The following BCL7C variants were observed in gnomAD, a reference collection of about 807,000 sequenced individuals.
BCL7C encodes the protein BAF chromatin remodeling complex subunit BCL7C.
Under a neutral mutation model 26.2 loss-of-function variants are expected in BCL7C, and 8 were observed. That is an observed-to-expected ratio of 0.30 (90% CI 0.18 to 0.55). The LOEUF (loss-of-function observed/expected upper bound fraction) is 0.55, where lower values mean the gene tolerates loss of function less well. Among genes scored for constraint, BCL7C ranks in the 20% least tolerant of loss-of-function variants. The pLI is 0.93. For missense variants in BCL7C, 262 were observed against 298.5 expected, an observed-to-expected ratio of 0.88 and a Z score of 0.90; for synonymous variants, 90 against 116.5, an observed-to-expected ratio of 0.77 and a Z score of 1.47.
intron 5 of BCL7C, 128 bp from the exon 6 acceptor site, chr16:30,888,118 G>A (rs2055164576): frequency 1.2e-6 from 1 of 867,108 alleles, no homozygotes; most frequent in African/African-American, 1.8e-5. Flanking sequence ...AGGGCCAGAT[G>A]CCCAGGATGC....
At chr16:30,849,126 T>G (rs1317513473) in intron 5 of BCL7C, among the ~76,000 whole-genome samples, 2 of 149,012 alleles carry the variant, frequency 1.3e-5, no homozygotes, top group Admixed American at 6.7e-5. Flanking sequence ...GGCGGAGTTT[T>G]CAGTGAGCCG....
At chr16:30,846,593 T>C (rs2054637508) in intron 5 of BCL7C, among the ~76,000 whole-genome samples, 1 of 152,208 alleles carries the variant, frequency 6.6e-6, no homozygotes, top group East Asian at 1.9e-4. Flanking sequence ...CTGTATTCTT[T>C]AGAATTGTCT....
At chr16:30,887,044 C>T (rs564010869), downstream of BCL7C, among the ~76,000 whole-genome samples, 2 of 152,276 alleles carry the variant, frequency 1.3e-5, no homozygotes, top group Admixed American at 1.3e-4. Flanking sequence ...CATGGTGGCT[C>T]ATGCCTGTAA....
chr16:30,839,693 G>A (rs954179181), intron 5 of BCL7C, among the ~76,000 whole-genome samples: 4 of 152,180 alleles, frequency 2.6e-5, no homozygotes, highest in East Asian at 1.9e-4. Flanking sequence ...CAACCTAAAC[G>A]AGCTCGAAAG....
chr16:30,873,880 C>T (rs758947662), intron 5 of BCL7C, among the ~76,000 whole-genome samples: 12 of 146,942 alleles, frequency 8.2e-5, no homozygotes, highest in East Asian at 2.0e-4. Flanking sequence ...GATATATATA[C>T]ACACACACAC....
At chr16:30,869,439 T>A (rs1284328098) in intron 5 of BCL7C, among the ~76,000 whole-genome samples, 1 of 150,918 alleles carries the variant, frequency 6.6e-6, no homozygotes, top group Non-Finnish European at 1.5e-5. Flanking sequence ...TCCTAAGCTC[T>A]AGTGGATCTC....
intron 5 of BCL7C, among the ~76,000 whole-genome samples, chr16:30,862,557 C>T (rs2054786387): frequency 6.6e-6 from 1 of 152,068 alleles, no homozygotes; most frequent in South Asian, 2.1e-4. Context: ...CCCAACAGGA[C>T]ACGCTCCTGC....
rs142582039 is a variant in BCL7C, at chr16:30,893,622, G to A, written c.92+231C>T. Among the ~76,000 whole-genome samples, 302 of 152,168 alleles carry A rather than the reference G, an allele frequency of 2.0e-3. 2 individuals carry two copies. Among genetic ancestry groups the A allele is most frequent in the Non-Finnish European group, 3.4e-3 (233 of 67,972 alleles). ...AGGAGGGGTGTCAAAGCTTTAGGGG[G>A]CGGGGCACAAGAGGGGGCTCCCGCT... is the stretch of plus-strand genomic sequence containing the variant. On this transcript the variant is annotated intron_variant, in intron 1 of 5. Transcript: ENST00000215115. This position sits in a 1 kb window ranked among gnomAD's most constrained non-coding sequence, Gnocchi z 5.2.
intron 5 of BCL7C, among the ~76,000 whole-genome samples, chr16:30,835,863 A>T (rs1348535498): frequency 2.0e-5 from 3 of 151,748 alleles, no homozygotes; most frequent in East Asian, 1.9e-4. Context: ...AAAAGAAAAA[A>T]TTTTTTTAGC....
At chr16:30,891,938 T>G (rs2055244660) in intron 4 of BCL7C, among the ~76,000 whole-genome samples, 2 of 123,432 alleles carry the variant, frequency 1.6e-5, no homozygotes, top group African/African-American at 6.3e-5. Flanking sequence ...TACTCCAGCG[T>G]GGGTGACAGA....
At chr16:30,862,999 G>GC (rs1203488777) in intron 5 of BCL7C, among the ~76,000 whole-genome samples, 1 of 152,224 alleles carries the variant, frequency 6.6e-6, no homozygotes, top group East Asian at 1.9e-4. Context: ...TTATACAAGA[G>GC]CTGGGACCAT....
chr16:30,844,956 C>A (rs932094013), intron 5 of BCL7C, among the ~76,000 whole-genome samples: 4 of 152,128 alleles, frequency 2.6e-5, no homozygotes, highest in African/African-American at 9.7e-5. Context: ...ATTTTTCTTG[C>A]TCTTGCTGCA....
At chr16:30,855,454 G>A (rs2054712387) in intron 5 of BCL7C, among the ~76,000 whole-genome samples, 1 of 151,910 alleles carries the variant, frequency 6.6e-6, no homozygotes, top group South Asian at 2.1e-4. Flanking sequence ...CATTGGCCAG[G>A]CTGGTCTTGA....
At chr16:30,850,654 G>T (rs2054667469) in intron 5 of BCL7C, among the ~76,000 whole-genome samples, 1 of 152,074 alleles carries the variant, frequency 6.6e-6, no homozygotes, top group South Asian at 2.1e-4. Context: ...CACAGAAAAG[G>T]TACAGTAAAA....
At chr16:30,836,128 C>T (rs1331042168) in intron 5 of BCL7C, among the ~76,000 whole-genome samples, 2 of 152,122 alleles carry the variant, frequency 1.3e-5, no homozygotes, top group South Asian at 2.1e-4. Context: ...TGGTGTGACA[C>T]CTGTAATCCC....
At chr16:30,879,293 T>C (rs567265192) in intron 5 of BCL7C, among the ~76,000 whole-genome samples, 1 of 152,192 alleles carries the variant, frequency 6.6e-6, no homozygotes, top group African/African-American at 2.4e-5. Flanking sequence ...TTCTAGAAAT[T>C]CCTAAGAAAA....
At chr16:30,890,431 G>T (rs2055208081) in intron 4 of BCL7C, among the ~76,000 whole-genome samples, 1 of 152,038 alleles carries the variant, frequency 6.6e-6, no homozygotes, top group African/African-American at 2.4e-5. Flanking sequence ...GAGGACACAG[G>T]CCCAAGATGC....
At chr16:30,888,024 C>T in intron 5 of BCL7C, 34 bp from the exon 6 acceptor site, 1 of 1,585,214 alleles carries the variant, frequency 6.3e-7, no homozygotes, top group Non-Finnish European at 8.6e-7. Flanking sequence ...GTGAGCTCCA[C>T]AGAACCCAGG....
At position 30,893,152 on chromosome 16, in the gene BCL7C, G is replaced by A. The variant is rs2055282082; in HGVS notation, c.171+60C>T. On this transcript the variant is annotated intron_variant, in intron 2 of 5. Transcript: ENST00000215115. The surrounding 1 kb of genome is among the most constrained non-coding windows in gnomAD (Gnocchi z 5.2). The stretch of plus-strand genomic sequence containing the variant: ...GGAGCTGGAGGTAGAGGTCAGCGTG[G>A]GGAGGAACTTGCCTGAGGTTGCACA... The A allele has an allele frequency of 5.2e-6, 8 of 1,543,992 alleles. No individual in the cohort carries two copies. Among genetic ancestry groups the A allele is most frequent in the Non-Finnish European group, 7.1e-6 (8 of 1,126,456 alleles).
Sources: allele counts gnomAD v4.1 joint callset (sites outside exome capture counted in the v4.1 genomes callset), GRCh38; gene constraint gnomAD v4.1.1; non-coding constraint Gnocchi (gnomAD v3.1); transcripts MANE v1.5; gene names NCBI Gene and HGNC (gene_info 2026-07-23, HGNC 2026-07-21).